GRID2IP: variants seen among roughly 807,000 people sequenced by gnomAD.
GRID2IP encodes Grid2 interacting protein.
In GRID2IP, 78 loss-of-function variants were observed where a neutral mutation model predicts 114.3. The observed-to-expected ratio is 0.68, with a 90% confidence interval of 0.57 to 0.82. The LOEUF (loss-of-function observed/expected upper bound fraction) is 0.82. Ranked by LOEUF, GRID2IP falls within the 40% of genes least tolerant of loss-of-function variation. GRID2IP has a pLI of 0.00. For synonymous variants in GRID2IP, 809 were observed against 724.0 expected (o/e 1.12, Z -1.89); for missense variants, 1,727 against 1,678.5 (o/e 1.03, Z -0.51).
In GRID2IP at chr7:6,508,104, A is replaced by G. The variant is rs1562513396; in HGVS notation, c.2425T>C (p.Cys809Arg). 7.1e-6 allele frequency: 6 copies of G among 841,382 alleles called. No individual in the cohort carries two copies. The highest frequency in any genetic ancestry group is 7.7e-6 in the Non-Finnish European group (5 of 646,398). 52.1% of individuals were successfully genotyped at this position (841,382 alleles called of 1,614,324 possible). A position where few individuals can be genotyped will look rare whatever the true frequency, so the allele number is the denominator to read the frequency against. ...CCCCGGGACAGCATGGGGGGTGCAC[A>G]GGGCACGGGTGGGGGCAGGGGCGGT... ...PPPPLPPPVP[C>R]APPMLSRGLG... The change falls in exon 13 of 22, where the codon TGT (cysteine) becomes CGT (arginine). Residue 809 changes from cysteine (C) to arginine (R), a missense_variant. Coordinates refer to ENST00000457091, the MANE Select transcript of GRID2IP (RefSeq NM_001145118.2). The surrounding 1 kb of genome is among the most constrained non-coding windows in gnomAD (Gnocchi z 5.6).
Position 6,501,866 on chromosome 7 carries a change from T to C in GRID2IP, c.3314A>G (p.Asp1105Gly). 1 of 1,551,444 alleles carries C rather than the reference T, an allele frequency of 6.4e-7. No homozygotes were observed. ...NQRALTSDLA[D>G]LHGTISEIQD... ...TATCTCGCTGATAGTGCCATGGAGG[T>C]CAGCCAGGTCACTGGTCAGGGCCCG... The change falls in exon 20 of 22, where the codon GAC becomes GGC. Residue 1105 changes from aspartate (D) to glycine (G), a missense_variant. Asp to Gly is a moderately conservative substitution (Grantham distance 94, BLOSUM62 -1). Coordinates refer to ENST00000457091, the MANE Select transcript of GRID2IP (RefSeq NM_001145118.2).
chr7:6,502,157 C>G, intron 18 of GRID2IP, 39 bp from the exon 19 acceptor site: 1 of 1,544,720 alleles, frequency 6.5e-7, no homozygotes, highest in Non-Finnish European at 8.7e-7. Context: ...GTCAAGGACC[C>G]CATCAGATGG....
At chr7:6,503,757 G>A in intron 15 of GRID2IP, 70 bp from the exon 16 acceptor site, 4 of 1,231,098 alleles carry the variant, frequency 3.2e-6, no homozygotes, top group South Asian at 1.6e-5. Flanking sequence ...AGACGGAGAG[G>A]GCAGGGCAGA....
Position 6,536,988 on chromosome 7 carries a change from G to A in GRID2IP, c.584+2730C>T. On this transcript the variant is annotated intron_variant, in intron 2 of 21. Transcript: ENST00000457091. The surrounding 1 kb of genome is among the most constrained non-coding windows in gnomAD (Gnocchi z 5.3). ...AGGCCCAGAGGGAGGGGCAGGCTGC[G>A]GGGTGAATGGCAGCAAGGGGAGGGG... is the stretch of plus-strand genomic sequence containing the variant. 2.2e-6 allele frequency: 1 copy of A among 452,920 alleles called. No homozygotes were observed. The highest frequency in any genetic ancestry group is 3.6e-5 in the Admixed American group (1 of 28,064). 28.1% of individuals were successfully genotyped at this position (452,920 alleles called of 1,614,324 possible). A position where few individuals can be genotyped will look rare whatever the true frequency, so the allele number is the denominator to read the frequency against.
chr7:6,503,626 C>G lies in GRID2IP; in HGVS notation c.2772G>C (p.Met924Ile). 6.5e-7 allele frequency: 1 copy of G among 1,528,312 alleles called. No homozygotes were observed. The highest frequency in any genetic ancestry group is 8.7e-7 in the Non-Finnish European group (1 of 1,144,092). The allele number at this position is 1,528,312 out of a possible 1,614,324, so 94.7% of individuals were successfully genotyped here. A position where few individuals can be genotyped will look rare whatever the true frequency, so the allele number is the denominator to read the frequency against. Residue 924 changes from methionine to isoleucine, a missense_variant, in exon 16 of 22, where the codon ATG (methionine) becomes ATC (isoleucine). Physicochemically the swap from Met to Ile is conservative, Grantham distance 10. Transcript: ENST00000457091. ...PAELRQVLMS[M>I]EPRRLEPAHL... ...GTGCGGGCTCCAGGCGCCGGGGCTC[C>G]ATGCTCATCAGCACCTGGCGCAGCT...
At position 6,532,344 on chromosome 7, in the gene GRID2IP, C is replaced by G. The variant is rs910018301; in HGVS notation, c.585-5575G>C. Among the ~76,000 whole-genome samples the G allele has an allele frequency of 1.3e-5, 2 of 152,118 alleles. No homozygotes were observed. The highest frequency in any genetic ancestry group is 2.9e-5 in the Non-Finnish European group (2 of 68,012). ...GCGGGAACAGGAGAGGCAAGATGCC[C>G]CGGGGACTTTCCCTCTGTCTCACTC... On this transcript the variant is annotated intron_variant, in intron 2 of 21. Coordinates refer to ENST00000457091, the MANE Select transcript of GRID2IP (RefSeq NM_001145118.2). This position sits in a 1 kb window ranked among gnomAD's most constrained non-coding sequence, Gnocchi z 4.4.
chr7:6,517,008 C>G (rs1048383697), intron 7 of GRID2IP, among the ~76,000 whole-genome samples: 64 of 151,914 alleles, frequency 4.2e-4, no homozygotes, highest in African/African-American at 1.5e-3. Flanking sequence ...TGGTAGTGGT[C>G]CCCCGGGCCC....
At chr7:6,511,714 G>A (rs117683310) in intron 8 of GRID2IP, among the ~76,000 whole-genome samples, 423 of 152,196 alleles carry the variant, frequency 2.8e-3, no homozygotes, top group Non-Finnish European at 5.4e-3. Flanking sequence ...TGTAAGGCAT[G>A]TGTGGTCCAG....
chr7:6,551,450 G>A lies in GRID2IP; in HGVS notation c.-14C>T. The A allele has an allele frequency of 6.5e-7, 1 of 1,537,482 alleles. No homozygotes were observed. Among genetic ancestry groups the A allele is most frequent in the Non-Finnish European group, 8.8e-7 (1 of 1,140,842 alleles). ...AGTGGTGGCCATGCACCTAGAACTG[G>A]AGACAGAACAGGGATTTCCTTGCTG... On this transcript the variant is annotated 5_prime_UTR_variant, in exon 1 of 22. Transcript: ENST00000457091.
In GRID2IP at chr7:6,497,457, T is replaced by C. The variant is rs1453090092; in HGVS notation, c.*317A>G. 3 of 267,696 alleles carry C rather than the reference T, an allele frequency of 1.1e-5. No individual in the cohort carries two copies. Among genetic ancestry groups the C allele is most frequent in the Middle Eastern group, 2.4e-3 (2 of 850 alleles). The allele number at this position is 267,696 out of a possible 1,614,324, so 16.6% of individuals were successfully genotyped here. A position where few individuals can be genotyped will look rare whatever the true frequency, so the allele number is the denominator to read the frequency against. ...ATGTCCCAGGAATGTGGCCACTTTG[T>C]AATCCACCCTCCAGGCCCCCCTGAC... On this transcript the variant is annotated 3_prime_UTR_variant, in exon 22 of 22. Coordinates refer to ENST00000457091, the MANE Select transcript of GRID2IP (RefSeq NM_001145118.2).
chr7:6,497,925 G>C (rs900415383), intron 21 of GRID2IP, 80 bp from the exon 22 acceptor site: 3 of 1,419,338 alleles, frequency 2.1e-6, no homozygotes, highest in Non-Finnish European at 2.9e-6. Flanking sequence ...TCCCACACTA[G>C]ACAGCCCATC....
At chr7:6,546,759 T>G (rs1473787231) in intron 1 of GRID2IP, among the ~76,000 whole-genome samples, 1 of 151,916 alleles carries the variant, frequency 6.6e-6, no homozygotes, top group African/African-American at 2.4e-5. Context: ...GCCTGTCGGA[T>G]TCTACCCTCA....
At chr7:6,502,257 C>T (rs1186318142) in intron 18 of GRID2IP, 139 bp from the exon 19 acceptor site, 9 of 764,424 alleles carry the variant, frequency 1.2e-5, no homozygotes, top group Non-Finnish European at 1.9e-5. Context: ...CAGGGTCTTG[C>T]TCTGTTGCCC....
At position 6,525,933 on chromosome 7, in the gene GRID2IP, C is replaced by A. The variant is rs377141700; in HGVS notation, c.919+291G>T. ...TGTGGACACAGGAAAGGTCTGGATG[C>A]AGAACCTGGTTCCCTTGGCTTGGGG... On this transcript the variant is annotated intron_variant, in intron 4 of 21. Coordinates refer to ENST00000457091, the MANE Select transcript of GRID2IP (RefSeq NM_001145118.2). Among the ~76,000 whole-genome samples, 3 of 152,288 alleles carry A rather than the reference C, an allele frequency of 2.0e-5. No individual in the cohort carries two copies. In the East Asian group the frequency reaches 5.8e-4, roughly 30 times the overall value.
At chr7:6,542,981 G>C (rs1323982119) in intron 1 of GRID2IP, among the ~76,000 whole-genome samples, 1 of 152,078 alleles carries the variant, frequency 6.6e-6, no homozygotes, top group African/African-American at 2.4e-5. Flanking sequence ...AGGACTTGTG[G>C]GTGCAACTTC....
At chr7:6,512,494 C>A (rs1285178094) in intron 8 of GRID2IP, among the ~76,000 whole-genome samples, 3 of 151,752 alleles carry the variant, frequency 2.0e-5, no homozygotes, top group Non-Finnish European at 4.4e-5. Context: ...GTGCATACCA[C>A]CACGCCTGGC....
At chr7:6,544,158 C>A (rs1425180013) in intron 1 of GRID2IP, among the ~76,000 whole-genome samples, 1 of 152,124 alleles carries the variant, frequency 6.6e-6, no homozygotes, top group Non-Finnish European at 1.5e-5. Flanking sequence ...TCTTTCCCTG[C>A]AGTAATGTTA....
intron 2 of GRID2IP, among the ~76,000 whole-genome samples, chr7:6,537,331 G>T (rs1230637212): frequency 6.8e-6 from 1 of 146,588 alleles, no homozygotes; most frequent in Non-Finnish European, 1.5e-5. Context: ...ATCATTTTAG[G>T]TCAGGAGTTC....
chr7:6,540,266 C>G (rs1027926551), intron 1 of GRID2IP, among the ~76,000 whole-genome samples: 3 of 151,912 alleles, frequency 2.0e-5, no homozygotes, highest in Non-Finnish European at 4.4e-5. Flanking sequence ...GCATGCGCCA[C>G]CACGCCCGGC....
Sources: gnomAD v4.1 joint callset for allele counts (sites outside exome capture counted in the v4.1 genomes callset) on GRCh38, gnomAD v4.1.1 for gene constraint, Gnocchi (gnomAD v3.1) non-coding constraint, MANE v1.5 for transcripts, NCBI Gene and HGNC (gene_info 2026-07-23, HGNC 2026-07-21) for gene names.